ATRNL1: variants seen among roughly 807,000 people sequenced by gnomAD.
The protein encoded by ATRNL1 is attractin like 1.
In ATRNL1, 95 loss-of-function variants were observed where a neutral mutation model predicts 182.7. That is an observed-to-expected ratio of 0.52 (90% CI 0.44 to 0.62). The LOEUF (loss-of-function observed/expected upper bound fraction) is 0.62. Among genes scored for constraint, ATRNL1 ranks in the 20% least tolerant of loss-of-function variants. The pLI is 0.00. For missense variants in ATRNL1, 1,471 were observed against 1,679.5 expected (o/e 0.88, Z 2.17); for synonymous variants, 576 against 568.3 (o/e 1.01, Z -0.19).
At position 115,132,173 on chromosome 10, in the gene ATRNL1, A is replaced by T. The variant is rs1038838016; in HGVS notation, c.829+2638A>T. ...TCAATTCCCACCTATAAGTGAGAAC[A>T]CGCGGTGTTTGGTTTTTTGTCCTTG... On this transcript the variant is annotated intron_variant, in intron 5 of 28. Transcript: ENST00000355044. 6.8e-5 allele frequency among the ~76,000 whole-genome samples: 10 copies of T among 147,584 alleles called. No individual in the cohort carries two copies. In the East Asian group the frequency reaches 2.0e-3, roughly 29 times the overall value.
chr10:115,852,757 A>G (rs782684343), intron 28 of ATRNL1, among the ~76,000 whole-genome samples: 1 of 152,200 alleles, frequency 6.6e-6, no homozygotes, highest in Non-Finnish European at 1.5e-5. Flanking sequence ...GGAAGGACCT[A>G]GAGGGTCTCT....
chr10:115,650,855 G>C (rs1402816563), intron 26 of ATRNL1, among the ~76,000 whole-genome samples: 4 of 151,962 alleles, frequency 2.6e-5, no homozygotes, highest in African/African-American at 9.7e-5. Context: ...AGCCATTTCT[G>C]TGTTTTGGTT....
chr10:115,696,087 A>G (rs1226628081), intron 26 of ATRNL1, among the ~76,000 whole-genome samples: 1 of 152,022 alleles, frequency 6.6e-6, no homozygotes. Flanking sequence ...TTTAGTAGAG[A>G]CGGGGTTTCA....
At chr10:115,867,583 T>G (rs1565447801) in intron 28 of ATRNL1, among the ~76,000 whole-genome samples, 1 of 152,170 alleles carries the variant, frequency 6.6e-6, no homozygotes, top group Non-Finnish European at 1.5e-5. Flanking sequence ...ATCAGACAAC[T>G]AGAGTTCATC....
At chr10:115,564,524 TTAA>T (rs1267642680) in intron 26 of ATRNL1, among the ~76,000 whole-genome samples, 1 of 151,954 alleles carries the variant, frequency 6.6e-6, no homozygotes, top group Non-Finnish European at 1.5e-5. Flanking sequence ...TTTTATTCTA[TTAA>T]TGGAAGAGAT....
Position 115,334,436 on chromosome 10 carries a change from C to T in ATRNL1, c.3175+17C>T. On this transcript the variant is annotated intron_variant, in intron 19 of 28. Coordinates refer to ENST00000355044, the MANE Select transcript of ATRNL1 (RefSeq NM_207303.4). ...AGTGCACAGGTAAGTTTCTTTTAAG[C>T]AAATTTTGGTGTATTTTTACTAAGG... The T allele has an allele frequency of 3.3e-6, 5 of 1,503,868 alleles. No individual in the cohort carries two copies. Among genetic ancestry groups the T allele is most frequent in the Non-Finnish European group, 4.5e-6 (5 of 1,114,014 alleles). 93.2% of individuals were successfully genotyped at this position (1,503,868 alleles called of 1,614,324 possible).
At chr10:115,657,462 A>C (rs1016537453) in intron 26 of ATRNL1, among the ~76,000 whole-genome samples, 1 of 152,224 alleles carries the variant, frequency 6.6e-6, no homozygotes, top group Non-Finnish European at 1.5e-5. Context: ...ATGGCATGGC[A>C]GTTGCATTCT....
intron 20 of ATRNL1, among the ~76,000 whole-genome samples, chr10:115,400,030 AT>A (rs1844488277): frequency 6.6e-6 from 1 of 152,110 alleles, no homozygotes; most frequent in African/African-American, 2.4e-5. Flanking sequence ...CAAACTATAC[AT>A]CTGACAAAAG....
chr10:115,415,455 A>G (rs956626984), intron 20 of ATRNL1, among the ~76,000 whole-genome samples: 7 of 151,212 alleles, frequency 4.6e-5, no homozygotes, highest in Admixed American at 1.3e-4. Flanking sequence ...CATAAGTTGC[A>G]CATATTTCCT....
At chr10:115,108,395 G>C (rs1380391755) in intron 1 of ATRNL1, among the ~76,000 whole-genome samples, 1 of 152,314 alleles carries the variant, frequency 6.6e-6, no homozygotes, top group African/African-American at 2.4e-5. Flanking sequence ...GAAGATAAGA[G>C]AAAGAGAAAC....
Position 115,690,262 on chromosome 10 carries a change from G to A in ATRNL1, c.3796-36986G>A, listed in dbSNP as rs559261159. 8.0e-4 allele frequency among the ~76,000 whole-genome samples: 122 copies of A among 152,148 alleles called. No homozygotes were observed. The South Asian group carries it at 0.016, about 20-fold the overall frequency. On this transcript the variant is annotated intron_variant, in intron 26 of 28. Coordinates refer to ENST00000355044, the MANE Select transcript of ATRNL1 (RefSeq NM_207303.4). ...GGAACCAGGGACCAGTTTCATGGAA[G>A]ACAATTTTTCTACAGATGGGGGTGG...
At chr10:115,446,833 G>A (rs939834116) in intron 21 of ATRNL1, among the ~76,000 whole-genome samples, 1 of 151,830 alleles carries the variant, frequency 6.6e-6, no homozygotes, top group African/African-American at 2.4e-5. Flanking sequence ...ATATAAAATT[G>A]GGAAATTAAT....
At chr10:115,122,969 A>G (rs1844809350) in intron 3 of ATRNL1, among the ~76,000 whole-genome samples, 1 of 151,760 alleles carries the variant, frequency 6.6e-6, no homozygotes, top group Non-Finnish European at 1.5e-5. Context: ...TGCTATCTTT[A>G]CTCTATTTTT....
intron 5 of ATRNL1, among the ~76,000 whole-genome samples, chr10:115,151,106 T>C (rs1366733971): frequency 6.6e-6 from 1 of 152,258 alleles, no homozygotes; most frequent in African/African-American, 2.4e-5. Flanking sequence ...CACATTTTCT[T>C]AATCCAGTCT....
chr10:115,134,208 T>C (rs1161940352), intron 5 of ATRNL1, among the ~76,000 whole-genome samples: 1 of 151,754 alleles, frequency 6.6e-6, no homozygotes, highest in African/African-American at 2.4e-5. Context: ...CTGAAGGAGA[T>C]AGAGACACAA....
intron 10 of ATRNL1, among the ~76,000 whole-genome samples, chr10:115,252,885 A>G (rs543043131): frequency 3.9e-5 from 6 of 152,086 alleles, no homozygotes; most frequent in African/African-American, 1.2e-4. Context: ...ATTCCCTTCT[A>G]TTGGCATGCC....
chr10:115,903,893 A>C lies in ATRNL1; in HGVS notation c.4019-40765A>C, dbSNP rs571442705. Among the ~76,000 whole-genome samples the C allele has an allele frequency of 2.0e-5, 3 of 152,268 alleles. No homozygotes were observed. The East Asian group carries it at 5.8e-4, about 29-fold the overall frequency. On this transcript the variant is annotated intron_variant, in intron 28 of 28. Transcript: ENST00000355044. ...ATTTTAAAAATCCTTTCATTCCCCT[A>C]AGATTTTTTAGTGCGTTAGTTCAGG...
Position 115,466,821 on chromosome 10 carries a change from T to TAGCAAACCTGTTTAACACCTAGGTTG in ATRNL1, c.3418-353_3418-352insAGCAAACCTGTTTAACACCTAGGTTG, listed in dbSNP as rs1554970897. 8.6e-5 allele frequency among the ~76,000 whole-genome samples: 13 copies of TAGCAAACCTGTTTAACACCTAGGTTG among 151,334 alleles called. No individual in the cohort carries two copies. In the East Asian group the frequency reaches 9.7e-4, roughly 11 times the overall value. On this transcript the variant is annotated intron_variant, in intron 22 of 28. Coordinates refer to ENST00000355044, the MANE Select transcript of ATRNL1 (RefSeq NM_207303.4). ...TTGGGACTAATCCAAACCTGTTTCA[T>TAGCAAACCTGTTTAACACCTAGGTTG]TTAAACCTAGCAAAAAGAATCAAAA...
At chr10:115,881,459 A>G (rs1367118877) in intron 28 of ATRNL1, among the ~76,000 whole-genome samples, 2 of 152,188 alleles carry the variant, frequency 1.3e-5, no homozygotes, top group African/African-American at 2.4e-5. Context: ...CTGTAGCACA[A>G]TAGCTTTCAC....
Sources: gnomAD v4.1 joint callset for allele counts (sites outside exome capture counted in the v4.1 genomes callset) on GRCh38, gnomAD v4.1.1 for gene constraint, MANE v1.5 for transcripts, NCBI Gene and HGNC (gene_info 2026-07-23, HGNC 2026-07-21) for gene names.